ATP2B1: variants seen among roughly 807,000 people sequenced by gnomAD.
The protein encoded by ATP2B1 is plasma membrane calcium-transporting ATPase 1.
Under a neutral mutation model 124.2 loss-of-function variants are expected in ATP2B1, and 14 were observed. The observed-to-expected ratio is 0.11, with a 90% CI of 0.07 to 0.18. The LOEUF is 0.18. Among genes scored for constraint, ATP2B1 ranks in the 10% least tolerant of loss-of-function variants. ATP2B1 has a pLI of 1.00. For missense variants in ATP2B1, 763 were observed against 1,466.1 expected (o/e 0.52, Z 7.83); for synonymous variants, 449 against 492.4 (o/e 0.91, Z 1.17).
chr12:89,665,941 TTTC>T (rs1193029517), intron 1 of ATP2B1, among the ~76,000 whole-genome samples: 13 of 152,336 alleles, frequency 8.5e-5, no homozygotes, highest in African/African-American at 2.9e-4. Flanking sequence ...AGCTTTCTGT[TTTC>T]TTAATTAAAA....
At chr12:89,638,528 T>C (rs1555200878) in intron 3 of ATP2B1, among the ~76,000 whole-genome samples, 1 of 152,182 alleles carries the variant, frequency 6.6e-6, no homozygotes, top group Non-Finnish European at 1.5e-5. Context: ...ACATAATAAA[T>C]ACAGAAGCAG....
chr12:89,606,398 A>T (rs1397228042), intron 15 of ATP2B1, among the ~76,000 whole-genome samples: 1 of 152,124 alleles, frequency 6.6e-6, no homozygotes, highest in African/African-American at 2.4e-5. Flanking sequence ...GTGGCAGGGA[A>T]CTTGCTATTA....
Position 89,588,976 on chromosome 12 carries a change from G to A in ATP2B1, c.*2008C>T, listed in dbSNP as rs936039974. 1.3e-5 allele frequency: 2 copies of A among 152,440 alleles called. No homozygotes were observed. Among genetic ancestry groups the A allele is most frequent in the African/African-American group, 4.8e-5 (2 of 41,384 alleles). The allele number at this position is 152,440 out of a possible 1,614,324, so 9.4% of individuals were successfully genotyped here. A position where few individuals can be genotyped will look rare whatever the true frequency, so the allele number is the denominator to read the frequency against. On this transcript the variant is annotated 3_prime_UTR_variant, in exon 21 of 21. Transcript: ENST00000428670. Reference sequence around the variant, plus strand: ...TCCCAAGATCATGCAGCACATTAATGGCAAAACCAAGACTAGAAACCAGGT... The same window carrying A: ...TCCCAAGATCATGCAGCACATTAATAGCAAAACCAAGACTAGAAACCAGGT...
intron 2 of ATP2B1, among the ~76,000 whole-genome samples, chr12:89,651,498 G>A (rs533966875): frequency 1.3e-5 from 2 of 151,820 alleles, no homozygotes; most frequent in African/African-American, 4.8e-5. Flanking sequence ...AAATTCCTGG[G>A]TTCAAACGAT....
chr12:89,612,180 T>G (rs1392428046), intron 12 of ATP2B1: 2 of 152,052 alleles, frequency 1.3e-5, no homozygotes, highest in African/African-American at 4.8e-5. Context: ...ATGGTAGAGT[T>G]TTTTATTTTT....
At chr12:89,591,399 C>A (rs1444248337) in intron 20 of ATP2B1, 104 bp from the exon 21 acceptor site, 2 of 986,368 alleles carry the variant, frequency 2.0e-6, no homozygotes, top group Non-Finnish European at 2.9e-6. Context: ...ATGAGTGAAT[C>A]ATATTTGCAT....
chr12:89,629,822 C>G (rs1592791840), intron 6 of ATP2B1, among the ~76,000 whole-genome samples: 1 of 152,246 alleles, frequency 6.6e-6, no homozygotes, highest in South Asian at 2.1e-4. Flanking sequence ...GGTGGTATAG[C>G]AGACACTTAG....
chr12:89,704,202 C>T (rs1166566938), intron 1 of ATP2B1, among the ~76,000 whole-genome samples: 1 of 151,982 alleles, frequency 6.6e-6, no homozygotes, highest in Non-Finnish European at 1.5e-5. Context: ...ACTTTTAGTA[C>T]AGCACATTTT....
intron 20 of ATP2B1, chr12:89,595,008 G>C (rs545521168): frequency 6.6e-6 from 1 of 152,126 alleles, no homozygotes; most frequent in Admixed American, 6.6e-5. Flanking sequence ...CCAAAGTTGG[G>C]TACTTGCATA....
chr12:89,707,319 A>C (rs757004293), intron 1 of ATP2B1, among the ~76,000 whole-genome samples: 1 of 152,184 alleles, frequency 6.6e-6, no homozygotes, highest in Non-Finnish European at 1.5e-5. Context: ...AGTACTTCTT[A>C]TTATAAAATA....
chr12:89,673,676 T>C (rs140227996), intron 1 of ATP2B1, among the ~76,000 whole-genome samples: 1 of 152,320 alleles, frequency 6.6e-6, no homozygotes, highest in Non-Finnish European at 1.5e-5. Flanking sequence ...AGTTGCAAAA[T>C]GTTCTTTACT....
chr12:89,699,865 G>C (rs1323990919), intron 1 of ATP2B1, among the ~76,000 whole-genome samples: 1 of 152,094 alleles, frequency 6.6e-6, no homozygotes, highest in Non-Finnish European at 1.5e-5. Flanking sequence ...TTTTGAGACA[G>C]AGACGGTCTC....
intron 1 of ATP2B1, among the ~76,000 whole-genome samples, chr12:89,702,719 A>T (rs1402687627): frequency 1.3e-5 from 2 of 152,214 alleles, no homozygotes; most frequent in Non-Finnish European, 2.9e-5. Context: ...GCATTGGTCC[A>T]TTCAACACTA....
At chr12:89,621,124 A>G (rs1879887922) in intron 10 of ATP2B1, among the ~76,000 whole-genome samples, 4 of 152,132 alleles carry the variant, frequency 2.6e-5, no homozygotes, top group Non-Finnish European at 4.4e-5. Flanking sequence ...TTAGGTAGGA[A>G]CTACTGAGAA....
intron 15 of ATP2B1, among the ~76,000 whole-genome samples, chr12:89,609,390 G>GT (rs760537950): frequency 6.6e-6 from 1 of 152,084 alleles, no homozygotes. Context: ...TTTGAGAATT[G>GT]TGATTATGAA....
intron 1 of ATP2B1, among the ~76,000 whole-genome samples, chr12:89,705,982 A>T (rs1892405302): frequency 6.6e-6 from 1 of 152,196 alleles, no homozygotes; most frequent in Non-Finnish European, 1.5e-5. Flanking sequence ...TTAATTCATT[A>T]CTTGGGAGCT....
At chr12:89,598,825 T>C (rs1875210448) in intron 20 of ATP2B1, 1 of 1,536,252 alleles carries the variant, frequency 6.5e-7, no homozygotes, top group Non-Finnish European at 8.8e-7. Context: ...TCTATCAACA[T>C]ATAAAAAGAA....
chr12:89,640,547 T>TA (rs1402837416), intron 3 of ATP2B1, among the ~76,000 whole-genome samples: 1 of 152,216 alleles, frequency 6.6e-6, no homozygotes, highest in Non-Finnish European at 1.5e-5. Context: ...CAAATTTCTT[T>TA]AAAGAGAAAG....
At chr12:89,614,095 T>C (rs530743369) in intron 12 of ATP2B1, among the ~76,000 whole-genome samples, 39 of 152,336 alleles carry the variant, frequency 2.6e-4, no homozygotes, top group Admixed American at 2.1e-3. Context: ...GATAATAGAC[T>C]GATGTCTTCC....
Sources: allele counts gnomAD v4.1 joint callset (sites outside exome capture counted in the v4.1 genomes callset), GRCh38; gene constraint gnomAD v4.1.1; transcripts MANE v1.5; gene names NCBI Gene and HGNC (gene_info 2026-07-23, HGNC 2026-07-21).